The following PTPRN2 variants were observed in gnomAD, a reference collection of about 807,000 sequenced individuals.
The protein encoded by PTPRN2 is protein tyrosine phosphatase receptor type N2, also known as receptor-type tyrosine-protein phosphatase N2.
Under a neutral mutation model 118.8 loss-of-function variants are expected in PTPRN2, and 74 were observed. The ratio of observed to expected loss-of-function variants is 0.62; its 90% CI spans 0.52 to 0.76. PTPRN2 has a LOEUF of 0.76. Ranked by LOEUF, PTPRN2 falls within the 30% of genes least tolerant of loss-of-function variation. PTPRN2 has a pLI of 0.00. For missense variants in PTPRN2, 1,481 were observed against 1,394.4 expected, an observed-to-expected ratio of 1.06 and a Z score of -0.99; for synonymous variants, 641 against 608.0, an observed-to-expected ratio of 1.05 and a Z score of -0.80.
At chr7:158,291,187 C>G (rs1800098882) in intron 3 of PTPRN2, among the ~76,000 whole-genome samples, 1 of 152,210 alleles carries the variant, frequency 6.6e-6, no homozygotes, top group South Asian at 2.1e-4. Flanking sequence ...TCAAAATGTA[C>G]TCACCAGGAT....
chr7:158,027,290 G>A (rs933590733), intron 11 of PTPRN2: 1 of 152,250 alleles, frequency 6.6e-6, no homozygotes. Context: ...CTCAGAAGTG[G>A]TGGAGGAAAT....
At chr7:158,153,026 G>T (rs1052357545) in intron 6 of PTPRN2, among the ~76,000 whole-genome samples, 1 of 145,700 alleles carries the variant, frequency 6.9e-6, no homozygotes, top group Non-Finnish European at 1.5e-5. Flanking sequence ...GCCACCGACT[G>T]GGGGGACAAG....
At chr7:158,280,928 G>T (rs141723304) in intron 3 of PTPRN2, among the ~76,000 whole-genome samples, 1 of 152,206 alleles carries the variant, frequency 6.6e-6, no homozygotes, top group African/African-American at 2.4e-5. Flanking sequence ...ACGGCTACAC[G>T]GTGCTCTGGA....
intron 12 of PTPRN2, among the ~76,000 whole-genome samples, chr7:157,802,723 C>T (rs1178396656): frequency 2.0e-5 from 3 of 152,222 alleles, no homozygotes; most frequent in African/African-American, 7.2e-5. Context: ...GTCTACACAT[C>T]CTCACCAACA....
At chr7:158,543,350 GCCGC>G (rs1826103076) in intron 1 of PTPRN2, among the ~76,000 whole-genome samples, 1 of 152,218 alleles carries the variant, frequency 6.6e-6, no homozygotes, top group African/African-American at 2.4e-5. Context: ...ACCCACAACG[GCCGC>G]CCCGCCGGCT....
At chr7:157,702,242 C>T (rs1237525935) in intron 12 of PTPRN2, among the ~76,000 whole-genome samples, 4 of 149,608 alleles carry the variant, frequency 2.7e-5, no homozygotes, top group Non-Finnish European at 4.4e-5. Context: ...AAAGCCTGGT[C>T]GGTCCTGGTG....
rs1328542546 is a variant in PTPRN2, at chr7:158,515,147, GGCCGCGT to G, written c.113-25369_113-25363del. Among the ~76,000 whole-genome samples the G allele has an allele frequency of 3.3e-5, 5 of 152,028 alleles. No homozygotes were observed. The South Asian group carries it at 1.0e-3, about 32-fold the overall frequency. ...AGGGGCAGCCCCGGGCACACAAAGC[GGCCGCGT>G]GCACCAGCTGGTGTTTCCCTCTCAG... is the stretch of plus-strand genomic sequence containing the variant. On this transcript the variant is annotated intron_variant, in intron 1 of 22. Coordinates refer to ENST00000389418, the MANE Select transcript of PTPRN2 (RefSeq NM_002847.5).
chr7:157,612,566 C>G (rs1298066014), intron 15 of PTPRN2, among the ~76,000 whole-genome samples: 1 of 152,168 alleles, frequency 6.6e-6, no homozygotes, highest in African/African-American at 2.4e-5. Context: ...TTTTGTGGAT[C>G]GGGGGCAGAA....
chr7:158,510,538 C>A (rs1823105273), intron 1 of PTPRN2, among the ~76,000 whole-genome samples: 1 of 151,918 alleles, frequency 6.6e-6, no homozygotes, highest in South Asian at 2.1e-4. Context: ...TCCAAGATTT[C>A]ATTTCTTAAA....
chr7:158,300,612 G>A (rs1800826187), intron 3 of PTPRN2, among the ~76,000 whole-genome samples: 1 of 5,480 alleles, frequency 1.8e-4, no homozygotes, highest in African/African-American at 6.0e-4. Context: ...GTCTGTCTGT[G>A]CTCATGTGGC....
intron 12 of PTPRN2, among the ~76,000 whole-genome samples, chr7:157,843,861 G>A (rs1347725193): frequency 1.3e-5 from 2 of 152,204 alleles, no homozygotes; most frequent in African/African-American, 4.8e-5. Flanking sequence ...GGAACAGGTC[G>A]GGGCTGCATG....
At chr7:158,269,598 A>G (rs1798157158) in intron 3 of PTPRN2, among the ~76,000 whole-genome samples, 1 of 152,188 alleles carries the variant, frequency 6.6e-6, no homozygotes, top group South Asian at 2.1e-4. Context: ...CTTCAAGAAG[A>G]AAGTGCTCTG....
intron 11 of PTPRN2, among the ~76,000 whole-genome samples, chr7:158,071,748 ATGGTGGAGG>A (rs1811828470): frequency 1.5e-4 from 4 of 27,168 alleles, no homozygotes; most frequent in East Asian, 1.3e-3. Flanking sequence ...GGAGGTGCTC[ATGGTGGAGG>A]TGCTCGTGGT....
At chr7:158,344,644 C>T (rs555638792) in intron 2 of PTPRN2, among the ~76,000 whole-genome samples, 18 of 152,266 alleles carry the variant, frequency 1.2e-4, no homozygotes, top group South Asian at 2.1e-4. Context: ...AGGTCCCACA[C>T]GTAACCCACC....
chr7:157,681,394 C>T (rs987827698), intron 13 of PTPRN2, among the ~76,000 whole-genome samples: 1 of 152,160 alleles, frequency 6.6e-6, no homozygotes, highest in Admixed American at 6.5e-5. Flanking sequence ...CTTCTTCAAA[C>T]GTGATTTTCC....
rs913564054 is a variant in PTPRN2 at position 157,603,191 on chromosome 7, G to A, written c.2418+811C>T. On this transcript the variant is annotated intron_variant, in intron 16 of 22. Transcript: ENST00000389418. The surrounding 1 kb of genome is among the most constrained non-coding windows in gnomAD (Gnocchi z 5.4). The stretch of plus-strand genomic sequence containing the variant: ...CACTGCTCATCTGAACACCCAGTCC[G>A]AGTGTCCCCAGCCTGTGGCTTCAGC... 2.8e-5 allele frequency among the ~76,000 whole-genome samples: 4 copies of A among 143,986 alleles called. No homozygotes were observed. Among genetic ancestry groups the A allele is most frequent in the African/African-American group, 7.7e-5 (3 of 39,170 alleles). 94.5% of individuals were successfully genotyped at this position (143,986 alleles called of 152,430 possible).
chr7:157,594,480 GC>G (rs1012883201), intron 17 of PTPRN2, among the ~76,000 whole-genome samples: 6 of 152,224 alleles, frequency 3.9e-5, no homozygotes, highest in African/African-American at 1.4e-4. Context: ...GCACCTCCCT[GC>G]CTGGATTCTG....
At chr7:158,060,248 C>G (rs35581600) in intron 11 of PTPRN2, among the ~76,000 whole-genome samples, 6 of 124,020 alleles carry the variant, frequency 4.8e-5, no homozygotes, top group African/African-American at 1.6e-4. Context: ...CACACGGTGA[C>G]ACATCACTGC....
intron 3 of PTPRN2, among the ~76,000 whole-genome samples, chr7:158,251,394 A>C (rs1425015155): frequency 5.5e-5 from 8 of 145,300 alleles, no homozygotes; most frequent in African/African-American, 7.7e-5. Flanking sequence ...CAATGGATGT[A>C]TACAGTGCAT....
Sources: allele counts gnomAD v4.1 joint callset (sites outside exome capture counted in the v4.1 genomes callset), GRCh38; gene constraint gnomAD v4.1.1; non-coding constraint Gnocchi (gnomAD v3.1); transcripts MANE v1.5; gene names NCBI Gene and HGNC (gene_info 2026-07-23, HGNC 2026-07-21).